Variants in GLIS3 observed in about 807,000 individuals in gnomAD.
GLIS3 encodes the protein zinc finger protein GLIS3.
Under a neutral mutation model 78.6 loss-of-function variants are expected in GLIS3, and 53 were observed. That is an observed-to-expected ratio of 0.67 (90% CI 0.54 to 0.85). GLIS3 has a LOEUF of 0.85. Among genes scored for constraint, GLIS3 ranks in the 40% least tolerant of loss-of-function variants. The pLI is 0.00. For missense variants in GLIS3, 1,703 were observed against 1,231.1 expected, an observed-to-expected ratio of 1.38 and a Z score of -5.74; for synonymous variants, 684 against 509.9, an observed-to-expected ratio of 1.34 and a Z score of -4.60.
chr9:4,377,595 T>C, the GLIS3 span, among the ~76,000 whole-genome samples: 1 of 78,084 alleles, frequency 1.3e-5, no homozygotes, highest in Non-Finnish European at 3.2e-5. Flanking sequence ...AGAACCCTAA[T>C]ACAGGGTAAT....
intron 2 of GLIS3, among the ~76,000 whole-genome samples, chr9:4,222,142 G>C (rs899622911): frequency 6.6e-6 from 1 of 152,166 alleles, no homozygotes; most frequent in Non-Finnish European, 1.5e-5. Context: ...TTCTCCACCA[G>C]GGTCAGTGAG....
chr9:3,853,143 T>C (rs1320170201), intron 9 of GLIS3, among the ~76,000 whole-genome samples: 1 of 152,214 alleles, frequency 6.6e-6, no homozygotes, highest in Non-Finnish European at 1.5e-5. Flanking sequence ...AATTTGAGGC[T>C]GCAGTGAGCT....
chr9:4,058,525 G>C (rs1826337010), intron 4 of GLIS3, among the ~76,000 whole-genome samples: 1 of 150,336 alleles, frequency 6.7e-6, no homozygotes, highest in Admixed American at 6.6e-5. Context: ...TTTCCAATAA[G>C]TCCTGGAATG....
At chr9:4,480,677 C>T in the GLIS3 span, among the ~76,000 whole-genome samples, 1 of 151,680 alleles carries the variant, frequency 6.6e-6, no homozygotes, top group African/African-American at 2.4e-5. Flanking sequence ...CCTACCGGGG[C>T]AAAAAGCATG....
chr9:4,326,610 G>A (rs1041131142), intron 2 of GLIS3, among the ~76,000 whole-genome samples: 11 of 152,070 alleles, frequency 7.2e-5, no homozygotes, highest in African/African-American at 2.7e-4. Flanking sequence ...GCTGGAGAGC[G>A]GATGGTGGTA....
chr9:4,154,285 T>A (rs765211883), intron 2 of GLIS3, among the ~76,000 whole-genome samples: 4 of 151,984 alleles, frequency 2.6e-5, no homozygotes, highest in Admixed American at 1.3e-4. Context: ...GAGCGTCACA[T>A]CACAAAAGAG....
At chr9:4,067,732 C>A (rs1827219450) in intron 4 of GLIS3, among the ~76,000 whole-genome samples, 1 of 151,216 alleles carries the variant, frequency 6.6e-6, no homozygotes, top group Non-Finnish European at 1.5e-5. Flanking sequence ...ACATGAATTG[C>A]AGATTAGATT....
chr9:4,143,106 G>T (rs551962445), intron 2 of GLIS3, among the ~76,000 whole-genome samples: 1 of 152,140 alleles, frequency 6.6e-6, no homozygotes, highest in Admixed American at 6.5e-5. Flanking sequence ...TAAATGACAA[G>T]CAGAAACTGT....
At chr9:4,246,918 C>G (rs1823856378) in intron 2 of GLIS3, among the ~76,000 whole-genome samples, 1 of 152,104 alleles carries the variant, frequency 6.6e-6, no homozygotes, top group African/African-American at 2.4e-5. Context: ...ACATTGTTTA[C>G]CCAAACATTG....
At chr9:4,049,245 T>A (rs901834494) in intron 4 of GLIS3, among the ~76,000 whole-genome samples, 13 of 152,168 alleles carry the variant, frequency 8.5e-5, no homozygotes, top group African/African-American at 3.1e-4. Context: ...AATACTCAAA[T>A]ACAACCATAC....
At chr9:4,216,139 T>G (rs967290349) in intron 2 of GLIS3, among the ~76,000 whole-genome samples, 10 of 152,092 alleles carry the variant, frequency 6.6e-5, no homozygotes, top group Non-Finnish European at 1.3e-4. Flanking sequence ...CCAGGGTAGT[T>G]TTTATTCCTT....
intron 2 of GLIS3, among the ~76,000 whole-genome samples, chr9:4,238,992 C>A (rs1048509497): frequency 1.3e-5 from 2 of 151,892 alleles, no homozygotes; most frequent in African/African-American, 2.4e-5. Flanking sequence ...CCAGCTTCAT[C>A]CATGTCCCTA....
chr9:4,268,977 A>G (rs1275757362), intron 2 of GLIS3, among the ~76,000 whole-genome samples: 1 of 152,152 alleles, frequency 6.6e-6, no homozygotes, highest in South Asian at 2.1e-4. Context: ...TGTTTAACAA[A>G]GCTCTGGTAT....
intron 2 of GLIS3, among the ~76,000 whole-genome samples, chr9:4,133,899 G>A (rs1833190362): frequency 6.7e-6 from 1 of 150,324 alleles, no homozygotes; most frequent in African/African-American, 2.4e-5. Context: ...TCGCCTGAAC[G>A]GGATCCAGGT....
intron 2 of GLIS3, among the ~76,000 whole-genome samples, chr9:4,318,351 G>A (rs1276233068): frequency 3.3e-5 from 5 of 152,078 alleles, no homozygotes; most frequent in East Asian, 3.8e-4. Flanking sequence ...GCACACCTAG[G>A]GCCCAGAGTT....
chr9:3,897,434 CAT>C (rs145872957), intron 7 of GLIS3, among the ~76,000 whole-genome samples: 45 of 150,222 alleles, frequency 3.0e-4, no homozygotes, highest in East Asian at 2.7e-3. Flanking sequence ...CATGGTTTTT[CAT>C]ATATATATAT....
the GLIS3 span, among the ~76,000 whole-genome samples, chr9:4,447,240 G>T: frequency 1.3e-5 from 2 of 151,844 alleles, no homozygotes; most frequent in South Asian, 2.1e-4. Context: ...TAGAGACAGG[G>T]TCTCACTATG....
intron 2 of GLIS3, among the ~76,000 whole-genome samples, chr9:4,194,435 CT>C (rs1818615328): frequency 6.6e-6 from 1 of 152,156 alleles, no homozygotes; most frequent in African/African-American, 2.4e-5. Context: ...CAAATATAAA[CT>C]TCATAAATGT....
At chr9:4,394,558 G>T in the GLIS3 span, among the ~76,000 whole-genome samples, 5 of 152,104 alleles carry the variant, frequency 3.3e-5, no homozygotes, top group Admixed American at 3.3e-4. Flanking sequence ...TTGAGTGGGT[G>T]GAAGGAAAAT....
Sources: gnomAD v4.1 joint callset for allele counts (sites outside exome capture counted in the v4.1 genomes callset) on GRCh38, gnomAD v4.1.1 for gene constraint, MANE v1.5 for transcripts, NCBI Gene and HGNC (gene_info 2026-07-23, HGNC 2026-07-21) for gene names.